ZCCHC24: variants seen among roughly 807,000 people sequenced by gnomAD.
The protein encoded by ZCCHC24 is zinc finger CCHC-type containing 24.
Under a neutral mutation model 26.2 loss-of-function variants are expected in ZCCHC24, and 10 were observed. The observed-to-expected ratio is 0.38, with a 90% CI of 0.24 to 0.65. ZCCHC24 has a LOEUF of 0.65. Among genes scored for constraint, ZCCHC24 ranks in the 30% least tolerant of loss-of-function variants. ZCCHC24 has a pLI of 0.54. For synonymous variants in ZCCHC24, 144 were observed against 147.1 expected, an observed-to-expected ratio of 0.98 and a Z score of 0.15; for missense variants, 243 against 329.1, an observed-to-expected ratio of 0.74 and a Z score of 2.03.
intron 3 of ZCCHC24, among the ~76,000 whole-genome samples, chr10:79,390,762 C>T (rs1383653133): frequency 6.6e-6 from 1 of 152,156 alleles, no homozygotes; most frequent in East Asian, 1.9e-4. Flanking sequence ...TTGAGGGGAC[C>T]GGAGTCGGTA....
intron 1 of ZCCHC24, among the ~76,000 whole-genome samples, chr10:79,435,504 C>T (rs549042242): frequency 6.6e-6 from 1 of 152,380 alleles, no homozygotes; most frequent in African/African-American, 2.4e-5. Context: ...CAGGCAGCTC[C>T]ACAGTGAGAG....
rs35926281 is a variant in ZCCHC24 at position 79,395,214 on chromosome 10, G to GTTT, written c.448-777_448-775dup. 8.9e-4 allele frequency among the ~76,000 whole-genome samples: 134 copies of GTTT among 150,962 alleles called. No homozygotes were observed. The South Asian group carries it at 0.019, about 21-fold the overall frequency. ...GTGCATACAGCTGTGCCTGGCTACT[G>GTTT]TTTTTTTTTACTGAATAATACATCT... On this transcript the variant is annotated intron_variant, in intron 2 of 3. Transcript: ENST00000372336.
chr10:79,398,805 C>G (rs530859735), intron 2 of ZCCHC24, among the ~76,000 whole-genome samples: 1 of 152,264 alleles, frequency 6.6e-6, no homozygotes, highest in Non-Finnish European at 1.5e-5. Flanking sequence ...CCCGTCAGAC[C>G]CCCAGCCAAC....
Position 79,444,247 on chromosome 10 carries a change from T to A in ZCCHC24, c.246+948A>T, listed in dbSNP as rs1857329192. The A allele has an allele frequency of 4.8e-6, 7 of 1,461,334 alleles. No individual in the cohort carries two copies. The East Asian group carries it at 1.9e-4, about 40-fold the overall frequency. 90.5% of individuals were successfully genotyped at this position (1,461,334 alleles called of 1,614,324 possible). On this transcript the variant is annotated intron_variant, in intron 1 of 3. Transcript: ENST00000372336. ...CTGAAATTCCCAAATGAGGCAGGAG[T>A]AAATGGAGGGAGGGGAGGAGTCCAG...
At chr10:79,416,364 G>A (rs1856859901) in intron 2 of ZCCHC24, among the ~76,000 whole-genome samples, 1 of 152,196 alleles carries the variant, frequency 6.6e-6, no homozygotes. Context: ...GGTAATGAGT[G>A]GCCTCACTGA....
chr10:79,390,110 A>G (rs569949483), intron 3 of ZCCHC24, among the ~76,000 whole-genome samples: 10 of 152,196 alleles, frequency 6.6e-5, no homozygotes, highest in Non-Finnish European at 1.5e-4. Flanking sequence ...GGCTCAAGCA[A>G]TCCTCCCACC....
At chr10:79,387,298 T>C (rs1454456071) in intron 3 of ZCCHC24, among the ~76,000 whole-genome samples, 2 of 151,998 alleles carry the variant, frequency 1.3e-5, no homozygotes, top group Non-Finnish European at 2.9e-5. Context: ...AGTGCCTCAT[T>C]TGCAGGGGAC....
In ZCCHC24 at chr10:79,406,610, C is replaced by T. The variant is rs115464391; in HGVS notation, c.448-12170G>A. Reference sequence around the variant, plus strand: ...CCTGCCTGGGCCCCAGGTTCCCTGGCTCTAAAACCCTCACAGCTCCTGCTA... The same window carrying T: ...CCTGCCTGGGCCCCAGGTTCCCTGGTTCTAAAACCCTCACAGCTCCTGCTA... On this transcript the variant is annotated intron_variant, in intron 2 of 3. Transcript: ENST00000372336. 7.6e-3 allele frequency among the ~76,000 whole-genome samples: 1,160 copies of T among 152,292 alleles called. 7 individuals are homozygous for T. Among genetic ancestry groups the T allele is most frequent in the African/African-American group, 0.026 (1,101 of 41,556 alleles).
chr10:79,390,793 C>T (rs1856469904), intron 3 of ZCCHC24, among the ~76,000 whole-genome samples: 1 of 152,180 alleles, frequency 6.6e-6, no homozygotes, highest in East Asian at 1.9e-4. Context: ...CAGCTGGAGG[C>T]CGACAGGAAG....
chr10:79,437,114 C>G (rs1340740850), intron 1 of ZCCHC24, among the ~76,000 whole-genome samples: 1 of 152,176 alleles, frequency 6.6e-6, no homozygotes, highest in Non-Finnish European at 1.5e-5. Context: ...GTGGCACAAT[C>G]ACAGCTCACT....
intron 2 of ZCCHC24, among the ~76,000 whole-genome samples, chr10:79,423,137 C>A (rs1856970162): frequency 6.6e-6 from 1 of 152,182 alleles, no homozygotes; most frequent in Non-Finnish European, 1.5e-5. Context: ...ATAGGAGAGA[C>A]CCACAGTGGC....
rs1284119183 is a variant in ZCCHC24 at position 79,436,372 on chromosome 10, A to C, written c.247-3614T>G. Among the ~76,000 whole-genome samples the C allele has an allele frequency of 4.6e-5, 7 of 152,268 alleles. No individual in the cohort carries two copies. In the South Asian group the frequency reaches 1.4e-3, roughly 32 times the overall value. On this transcript the variant is annotated intron_variant, in intron 1 of 3. Transcript: ENST00000372336. The stretch of plus-strand genomic sequence containing the variant: ...CCCCTTACTCAGGCCTCAGGCTCCA[A>C]GGAAAAGCATGAAAAGCACAGATCC...
In ZCCHC24 at chr10:79,432,981, C is replaced by T. The variant is rs189241082; in HGVS notation, c.247-223G>A. Reference sequence around the variant, plus strand: ...ATCTGCAAAATGGTCCTAGTAACAGCTCCTCCTAGGGTTTCTATGAGGCTA... The same window carrying T: ...ATCTGCAAAATGGTCCTAGTAACAGTTCCTCCTAGGGTTTCTATGAGGCTA... On this transcript the variant is annotated intron_variant, in intron 1 of 3. Transcript: ENST00000372336. Among the ~76,000 whole-genome samples the T allele has an allele frequency of 1.1e-3, 164 of 152,300 alleles. 3 individuals carry two copies. Among genetic ancestry groups the T allele is most frequent in the African/African-American group, 3.8e-3 (156 of 41,568 alleles).
At chr10:79,396,615 C>T (rs1324381726) in intron 2 of ZCCHC24, among the ~76,000 whole-genome samples, 1 of 152,226 alleles carries the variant, frequency 6.6e-6, no homozygotes, top group East Asian at 1.9e-4. Flanking sequence ...AGCGACAGCA[C>T]CACCAGCTTG....
intron 3 of ZCCHC24, 117 bp from the exon 4 acceptor site, chr10:79,386,575 G>C: frequency 1.4e-6 from 1 of 726,898 alleles, no homozygotes; most frequent in Non-Finnish European, 2.2e-6. Flanking sequence ...CACAGGGAGG[G>C]GACCAGACAG....
chr10:79,402,229 C>A (rs1406416779), intron 2 of ZCCHC24, among the ~76,000 whole-genome samples: 2 of 152,150 alleles, frequency 1.3e-5, no homozygotes, highest in African/African-American at 4.8e-5. Flanking sequence ...CCAGGTTGGG[C>A]CCTGGCTCTC....
chr10:79,403,546 G>A (rs1455830461), intron 2 of ZCCHC24: 1 of 985,300 alleles, frequency 1.0e-6, no homozygotes, highest in Non-Finnish European at 1.2e-6. Context: ...AGGTGGGCTG[G>A]GCCGCGGCCT....
At chr10:79,412,142 C>T (rs1399583906) in intron 2 of ZCCHC24, among the ~76,000 whole-genome samples, 1 of 152,250 alleles carries the variant, frequency 6.6e-6, no homozygotes, top group Admixed American at 6.5e-5. Context: ...AGGTCTGCAG[C>T]TGCACATGCA....
At chr10:79,411,795 G>A (rs1336986876) in intron 2 of ZCCHC24, among the ~76,000 whole-genome samples, 1 of 152,092 alleles carries the variant, frequency 6.6e-6, no homozygotes, top group Admixed American at 6.5e-5. Flanking sequence ...CCTCCAGGAG[G>A]CCTCGGCCCC....
Sources: allele counts gnomAD v4.1 joint callset (sites outside exome capture counted in the v4.1 genomes callset), GRCh38; gene constraint gnomAD v4.1.1; transcripts MANE v1.5; gene names NCBI Gene and HGNC (gene_info 2026-07-23, HGNC 2026-07-21).